The following STIM1 variants were observed in gnomAD, a reference collection of about 807,000 sequenced individuals.
The protein encoded by STIM1 is stromal interaction molecule 1.
STIM1 carries 25 observed loss-of-function variants against 74.7 expected under a neutral mutation model. That is an observed-to-expected ratio of 0.33 (90% CI 0.24 to 0.47). The LOEUF (loss-of-function observed/expected upper bound fraction) is 0.47. STIM1 is among the 20% of genes least tolerant of loss of function. The pLI is 1.00. For missense variants in STIM1, 728 were observed against 920.8 expected (o/e 0.79, Z 2.71); for synonymous variants, 328 against 348.8 (o/e 0.94, Z 0.66).
chr11:4,002,763 C>T (rs1418449987), intron 2 of STIM1, among the ~76,000 whole-genome samples: 2 of 148,996 alleles, frequency 1.3e-5, no homozygotes, highest in Non-Finnish European at 3.0e-5. Context: ...GAAATAGAGA[C>T]ACAAAAAACC....
At chr11:3,990,935 G>A (rs1247391493) in intron 2 of STIM1, among the ~76,000 whole-genome samples, 1 of 152,094 alleles carries the variant, frequency 6.6e-6, no homozygotes, top group African/African-American at 2.4e-5. Context: ...AGCATCCAAT[G>A]GGAATTTTTT....
intron 2 of STIM1, among the ~76,000 whole-genome samples, chr11:3,991,960 A>AG (rs2093616100): frequency 1.7e-5 from 2 of 118,748 alleles, no homozygotes; most frequent in Non-Finnish European, 3.7e-5. Flanking sequence ...CAAAAAAAAA[A>AG]AAAAAAAAAA....
intron 6 of STIM1, among the ~76,000 whole-genome samples, chr11:4,070,446 T>C (rs1053929460): frequency 6.6e-6 from 1 of 152,168 alleles, no homozygotes; most frequent in African/African-American, 2.4e-5. Flanking sequence ...GAGGGAGAAA[T>C]GTGTAGCTGC....
chr11:3,929,769 C>T (rs1284014596), intron 1 of STIM1, among the ~76,000 whole-genome samples: 1 of 152,120 alleles, frequency 6.6e-6, no homozygotes, highest in Non-Finnish European at 1.5e-5. Flanking sequence ...GAGTGGACCC[C>T]GTTCTGCAAT....
intron 5 of STIM1, among the ~76,000 whole-genome samples, chr11:4,065,833 A>T (rs2094362003): frequency 6.6e-6 from 1 of 152,192 alleles, no homozygotes; most frequent in South Asian, 2.1e-4. Flanking sequence ...AGGCTGTGTA[A>T]ATGACAAAAG....
intron 1 of STIM1, among the ~76,000 whole-genome samples, chr11:3,940,907 G>C (rs1159609708): frequency 6.6e-6 from 1 of 152,144 alleles, no homozygotes; most frequent in East Asian, 1.9e-4. Flanking sequence ...TTATAGAAAG[G>C]CCTTTCTTGT....
intron 1 of STIM1, among the ~76,000 whole-genome samples, chr11:3,892,042 T>C (rs10458894): frequency 0.68 from 103,431 of 152,196 alleles, 35,455 homozygotes; most frequent in African/African-American, 0.77. Flanking sequence ...AATAGAAATT[T>C]GGTAAATGTT....
rs564924027 is a variant in STIM1, at chr11:4,080,808, C to T, written c.970-1376C>T. Among the ~76,000 whole-genome samples, 10 of 152,292 alleles carry T rather than the reference C, an allele frequency of 6.6e-5. No individual in the cohort carries two copies. In the South Asian group the frequency reaches 2.1e-3, roughly 32 times the overall value. On this transcript the variant is annotated intron_variant, in intron 7 of 12. Transcript: ENST00000526596. ...CTTGTAGGCCTGCCCCTTTGTATGC[C>T]TCCCTGACTATCATGCTTCTATTTG...
chr11:4,029,492 T>G (rs1015005315), intron 3 of STIM1, among the ~76,000 whole-genome samples: 1 of 151,134 alleles, frequency 6.6e-6, no homozygotes, highest in African/African-American at 2.4e-5. Flanking sequence ...CCCGAAGATG[T>G]GCACTTTAGG....
At chr11:3,963,613 T>C (rs2093311517) in intron 1 of STIM1, among the ~76,000 whole-genome samples, 1 of 152,180 alleles carries the variant, frequency 6.6e-6, no homozygotes, top group African/African-American at 2.4e-5. Flanking sequence ...AGTTGTAGAG[T>C]TAATATTTAG....
At chr11:3,929,444 A>G (rs1590574841) in intron 1 of STIM1, among the ~76,000 whole-genome samples, 1 of 152,118 alleles carries the variant, frequency 6.6e-6, no homozygotes, top group Non-Finnish European at 1.5e-5. Context: ...GCTTGTTGCC[A>G]GTTTATTATT....
intron 1 of STIM1, among the ~76,000 whole-genome samples, chr11:3,936,764 G>A (rs937521605): frequency 5.3e-5 from 8 of 152,162 alleles, no homozygotes; most frequent in Admixed American, 2.6e-4. Context: ...TTTGAGGAGA[G>A]GTTGAAGGAG....
At chr11:4,071,274 G>A (rs1370091403) in intron 6 of STIM1, among the ~76,000 whole-genome samples, 1 of 152,174 alleles carries the variant, frequency 6.6e-6, no homozygotes, top group Non-Finnish European at 1.5e-5. Flanking sequence ...GAAGCCTAGG[G>A]ACTCTAGTTG....
rs188106687 is a variant in STIM1 at position 3,926,194 on chromosome 11, A to G, written c.140-41358A>G. ...AGTTTGATTTAGTTGAGAAAAAAAT[A>G]TAAACCATAATTTATAAGTACCCTG... On this transcript the variant is annotated intron_variant, in intron 1 of 12. Transcript: ENST00000526596. Among the ~76,000 whole-genome samples the G allele has an allele frequency of 6.6e-5, 10 of 152,358 alleles. No individual in the cohort carries two copies. In the East Asian group the frequency reaches 1.4e-3, roughly 21 times the overall value.
intron 1 of STIM1, among the ~76,000 whole-genome samples, chr11:3,962,846 T>A (rs772612516): frequency 2.0e-5 from 3 of 152,222 alleles, no homozygotes; most frequent in Non-Finnish European, 2.9e-5. Flanking sequence ...GTGAGTTTAG[T>A]GTTACTCATT....
chr11:3,978,225 C>T (rs1403963599), intron 2 of STIM1, among the ~76,000 whole-genome samples: 5 of 151,018 alleles, frequency 3.3e-5, no homozygotes, highest in Non-Finnish European at 5.9e-5. Flanking sequence ...CTCGGCTTAC[C>T]GCAACCTCCG....
intron 3 of STIM1, among the ~76,000 whole-genome samples, chr11:4,027,444 T>C (rs1192939103): frequency 6.6e-6 from 1 of 152,116 alleles, no homozygotes; most frequent in African/African-American, 2.4e-5. Flanking sequence ...CCCGAGTAGC[T>C]GGGACTACAG....
intron 1 of STIM1, among the ~76,000 whole-genome samples, chr11:3,964,094 T>C (rs2093316938): frequency 1.3e-5 from 2 of 152,210 alleles, no homozygotes; most frequent in African/African-American, 4.8e-5. Context: ...AATGAGAAAT[T>C]GGAGGCTCAA....
At chr11:3,962,473 G>GTA in intron 1 of STIM1, among the ~76,000 whole-genome samples, 1 of 151,622 alleles carries the variant, frequency 6.6e-6, no homozygotes, top group South Asian at 2.1e-4. Flanking sequence ...GTGTGTGTGT[G>GTA]TGTATAAAAA....
Sources: gnomAD v4.1 joint callset for allele counts (sites outside exome capture counted in the v4.1 genomes callset) on GRCh38, gnomAD v4.1.1 for gene constraint, MANE v1.5 for transcripts, NCBI Gene and HGNC (gene_info 2026-07-23, HGNC 2026-07-21) for gene names.